GRM5: variants seen among roughly 807,000 people sequenced by gnomAD.
GRM5 encodes the protein metabotropic glutamate receptor 5.
In GRM5, 19 loss-of-function variants were observed where a neutral mutation model predicts 83.1. The ratio of observed to expected loss-of-function variants is 0.23; its 90% CI spans 0.16 to 0.34. The LOEUF (loss-of-function observed/expected upper bound fraction) is 0.34. Among genes scored for constraint, GRM5 ranks in the 10% least tolerant of loss-of-function variants. GRM5 has a pLI of 1.00. For missense variants in GRM5, 1,160 were observed against 1,588.3 expected, an observed-to-expected ratio of 0.73 and a Z score of 4.58; for synonymous variants, 675 against 633.6, an observed-to-expected ratio of 1.07 and a Z score of -0.98.
At chr11:88,699,109 A>AC (rs11404029) in intron 3 of GRM5, among the ~76,000 whole-genome samples, 148,487 of 152,182 alleles carry the variant, frequency 0.98, 72,562 homozygotes, top group East Asian at 1. Context: ...ACAAAACAAA[A>AC]AAAAAAACCG....
chr11:88,568,974 T>C (rs552166773), intron 7 of GRM5, among the ~76,000 whole-genome samples: 1 of 152,322 alleles, frequency 6.6e-6, no homozygotes, highest in East Asian at 1.9e-4. Flanking sequence ...TCCTTGATTA[T>C]ATAGCAGAAA....
At chr11:88,955,543 T>C (rs1469051311) in intron 2 of GRM5, among the ~76,000 whole-genome samples, 2 of 152,248 alleles carry the variant, frequency 1.3e-5, no homozygotes, top group Non-Finnish European at 1.5e-5. Flanking sequence ...CATATTTATT[T>C]CTCCACTCTC....
At chr11:89,031,014 T>C (rs550215692) in intron 2 of GRM5, among the ~76,000 whole-genome samples, 1 of 151,986 alleles carries the variant, frequency 6.6e-6, no homozygotes, top group East Asian at 1.9e-4. Context: ...TGAAGAAAGA[T>C]TAAAGGATGA....
At chr11:88,821,467 C>T (rs183545686) in intron 3 of GRM5, among the ~76,000 whole-genome samples, 97 of 151,702 alleles carry the variant, frequency 6.4e-4, no homozygotes, top group Non-Finnish European at 1.2e-3. Context: ...GCTCAGGTTT[C>T]GATGTCACCT....
rs770575232 is a variant in GRM5, at chr11:88,509,111, C to T, written c.3120G>A (p.Pro1040=). 1.3e-5 allele frequency: 20 copies of T among 1,546,762 alleles called. No individual in the cohort carries two copies. The South Asian group carries it at 1.7e-4, about 13-fold the overall frequency. The change falls in exon 10 of 10, where the codon CCG becomes CCA. Residue 1040 remains proline, a synonymous_variant. Coordinates refer to ENST00000305447, the MANE Select transcript of GRM5 (RefSeq NM_001143831.3). The part of the protein sequence containing the change: ...GSASRTDDDV[P]SLHSEPVARS... ...GCGCCACAGGCTCCGAGTGCAGCGACGGCACATCGTCGTCCGTGCGGCTGG... is the reference window on the plus strand; with the variant it reads ...GCGCCACAGGCTCCGAGTGCAGCGATGGCACATCGTCGTCCGTGCGGCTGG...
chr11:89,019,392 A>G (rs955945271), intron 2 of GRM5, among the ~76,000 whole-genome samples: 12 of 152,052 alleles, frequency 7.9e-5, no homozygotes, highest in African/African-American at 2.9e-4. Context: ...GAAAAATGTC[A>G]TATCAAGAAC....
intron 2 of GRM5, among the ~76,000 whole-genome samples, chr11:88,934,261 C>A (rs1263743741): frequency 6.6e-6 from 1 of 151,740 alleles, no homozygotes; most frequent in Non-Finnish European, 1.5e-5. Context: ...TCACAATGAG[C>A]TCTAAGAATG....
intron 2 of GRM5, among the ~76,000 whole-genome samples, chr11:89,031,415 A>T (rs551612577): frequency 1.1e-4 from 16 of 151,882 alleles, no homozygotes; most frequent in Non-Finnish European, 1.8e-4. Context: ...AATATCACAT[A>T]TTTATGTTCC....
intron 3 of GRM5, among the ~76,000 whole-genome samples, chr11:88,784,343 T>G (rs1943026253): frequency 6.6e-6 from 1 of 152,058 alleles, no homozygotes; most frequent in Admixed American, 6.6e-5. Context: ...CTTTTCCTAT[T>G]CTCCACTTAT....
At chr11:89,065,557 G>C (rs1322663083) in intron 1 of GRM5, among the ~76,000 whole-genome samples, 2 of 152,098 alleles carry the variant, frequency 1.3e-5, no homozygotes, top group East Asian at 3.9e-4. Context: ...CACAGCACAC[G>C]TCCTTGCAGG....
intron 3 of GRM5, among the ~76,000 whole-genome samples, chr11:88,802,821 A>C (rs1308692967): frequency 4.6e-5 from 7 of 151,582 alleles, no homozygotes; most frequent in Admixed American, 1.3e-4. Flanking sequence ...TAAGCTGATA[A>C]GCAACTTCAG....
chr11:88,859,977 T>C (rs200376698), intron 2 of GRM5, among the ~76,000 whole-genome samples: 1 of 152,140 alleles, frequency 6.6e-6, no homozygotes, highest in African/African-American at 2.4e-5. Context: ...TCCTGTAAAA[T>C]AAGAGGGGGC....
chr11:88,641,667 C>A (rs772067993), intron 4 of GRM5, among the ~76,000 whole-genome samples: 1 of 152,172 alleles, frequency 6.6e-6, no homozygotes, highest in Non-Finnish European at 1.5e-5. Context: ...CTACAGGACC[C>A]ATTCAAGTTT....
intron 3 of GRM5, among the ~76,000 whole-genome samples, chr11:88,681,886 G>T (rs1200977263): frequency 6.6e-6 from 1 of 151,648 alleles, no homozygotes; most frequent in Non-Finnish European, 1.5e-5. Flanking sequence ...TGTTATTCAT[G>T]TTGTATACTC....
chr11:88,818,364 C>T (rs1943726924), intron 3 of GRM5, among the ~76,000 whole-genome samples: 2 of 152,010 alleles, frequency 1.3e-5, no homozygotes, highest in African/African-American at 4.8e-5. Context: ...AAAAGTATTA[C>T]CCAACCTGTA....
intron 3 of GRM5, among the ~76,000 whole-genome samples, chr11:88,799,488 A>G (rs898229121): frequency 3.3e-5 from 5 of 152,140 alleles, no homozygotes; most frequent in African/African-American, 1.2e-4. Context: ...AAATTTTTGA[A>G]GCATATGAAC....
chr11:88,805,709 AT>A (rs1471891240), intron 3 of GRM5, among the ~76,000 whole-genome samples: 2 of 152,138 alleles, frequency 1.3e-5, no homozygotes, highest in Non-Finnish European at 2.9e-5. Context: ...CTTATGGTTA[AT>A]GTTTTGTCTT....
At chr11:88,924,324 A>C (rs2135634109) in intron 2 of GRM5, among the ~76,000 whole-genome samples, 1 of 152,222 alleles carries the variant, frequency 6.6e-6, no homozygotes, top group Admixed American at 6.5e-5. Flanking sequence ...AAAGGAAATG[A>C]AGTCAGCACC....
intron 3 of GRM5, among the ~76,000 whole-genome samples, chr11:88,736,603 A>C (rs1941919326): frequency 6.6e-6 from 1 of 151,948 alleles, no homozygotes; most frequent in Non-Finnish European, 1.5e-5. Flanking sequence ...CAAATATGTG[A>C]GTGTGAGGGG....
Sources: allele counts gnomAD v4.1 joint callset (sites outside exome capture counted in the v4.1 genomes callset), GRCh38; gene constraint gnomAD v4.1.1; transcripts MANE v1.5; gene names NCBI Gene and HGNC (gene_info 2026-07-23, HGNC 2026-07-21).